Variants in FUT8 observed in about 807,000 individuals in gnomAD.
FUT8 encodes fucosyltransferase 8.
Under a neutral mutation model 71.3 loss-of-function variants are expected in FUT8, and 29 were observed. The observed-to-expected ratio is 0.41, with a 90% CI of 0.30 to 0.55. The LOEUF (loss-of-function observed/expected upper bound fraction) is 0.55. FUT8 is among the 20% of genes least tolerant of loss of function. The pLI is 0.34. For synonymous variants in FUT8, 254 were observed against 239.3 expected (o/e 1.06, Z -0.57); for missense variants, 544 against 702.1 (o/e 0.77, Z 2.55).
chr14:65,439,954 G>GTGTATGTATA lies in FUT8; in HGVS notation c.-325-15666_-325-15665insGTATGTATAT. Among the ~76,000 whole-genome samples, 68 of 74,972 alleles carry GTGTATGTATA rather than the reference G, an allele frequency of 9.1e-4. 2 individuals are homozygous for GTGTATGTATA. The highest frequency in any genetic ancestry group is 3.1e-3 in the African/African-American group (62 of 19,790). The allele number at this position is 74,972 out of a possible 152,430, so 49.2% of individuals were successfully genotyped here. ...ATAAAGAAAATGTGTGTGTGTGTGTGTATATATATATATATATATATATAT... is the reference window on the plus strand; with the variant it reads ...ATAAAGAAAATGTGTGTGTGTGTGTGTGTATGTATATATATATATATATATATATATATAT... On this transcript the variant is annotated intron_variant, in intron 1 of 10. Transcript: ENST00000673929.
intron 7 of FUT8, among the ~76,000 whole-genome samples, chr14:65,689,565 G>T (rs950377256): frequency 7.9e-5 from 12 of 152,018 alleles, no homozygotes; most frequent in South Asian, 2.1e-4. Flanking sequence ...TTGTTACAGA[G>T]TCTCGCTCTG....
chr14:65,358,216 T>C, the FUT8 span, among the ~76,000 whole-genome samples: 2 of 152,238 alleles, frequency 1.3e-5, no homozygotes, highest in Non-Finnish European at 2.9e-5. Context: ...AAATGATAAA[T>C]GTTTAAAGTG....
At chr14:65,476,660 T>A (rs1024765429) in intron 2 of FUT8, among the ~76,000 whole-genome samples, 13 of 66,414 alleles carry the variant, frequency 2.0e-4, no homozygotes, top group Admixed American at 6.4e-4. Context: ...TTTTTTTTTT[T>A]TTTTTTTTTT....
intron 3 of FUT8, among the ~76,000 whole-genome samples, chr14:65,573,735 T>TA (rs202204988): frequency 0.17 from 23,567 of 137,586 alleles, 2,033 homozygotes; most frequent in South Asian, 0.29. Context: ...CCCCCATGTC[T>TA]AAAAAAAAAA....
chr14:65,710,206 CATTT>C (rs1478368713), intron 7 of FUT8, among the ~76,000 whole-genome samples: 2 of 152,062 alleles, frequency 1.3e-5, no homozygotes, highest in East Asian at 3.9e-4. Flanking sequence ...AAAAGAAACT[CATTT>C]AAGTTTTAAA....
chr14:65,694,326 C>T (rs1013275962), intron 7 of FUT8, among the ~76,000 whole-genome samples: 4 of 152,154 alleles, frequency 2.6e-5, no homozygotes, highest in African/African-American at 9.7e-5. Context: ...TTAAGTACCA[C>T]TTTTGCAGCG....
intron 2 of FUT8, among the ~76,000 whole-genome samples, chr14:65,511,390 C>A (rs1225976336): frequency 6.6e-6 from 1 of 152,000 alleles, no homozygotes; most frequent in African/African-American, 2.4e-5. Context: ...TATTCTGTAG[C>A]TGTTGGAAGA....
At chr14:65,569,577 T>C (rs1042881382) in intron 3 of FUT8, among the ~76,000 whole-genome samples, 2 of 151,900 alleles carry the variant, frequency 1.3e-5, no homozygotes, top group Admixed American at 6.6e-5. Context: ...CAAATTTCTT[T>C]GGAAATTCTC....
chr14:65,495,478 T>C (rs991098971), intron 2 of FUT8, among the ~76,000 whole-genome samples: 6 of 152,198 alleles, frequency 3.9e-5, no homozygotes, highest in African/African-American at 1.2e-4. Context: ...CAAATGGGAG[T>C]TATGTGTTCC....
chr14:65,379,749 T>C, the FUT8 span, among the ~76,000 whole-genome samples: 1 of 152,176 alleles, frequency 6.6e-6, no homozygotes, highest in South Asian at 2.1e-4. Context: ...GACTGAGTAA[T>C]GTATAAACAA....
At chr14:65,728,539 G>A (rs1450354468) in intron 9 of FUT8, among the ~76,000 whole-genome samples, 2 of 152,180 alleles carry the variant, frequency 1.3e-5, no homozygotes, top group East Asian at 3.8e-4. Context: ...CAAGGAAAAA[G>A]TATTATCCTC....
chr14:65,429,403 C>A (rs1373151172), intron 1 of FUT8, among the ~76,000 whole-genome samples: 1 of 152,184 alleles, frequency 6.6e-6, no homozygotes, highest in African/African-American at 2.4e-5. Context: ...GGTGTCATTA[C>A]AGCGGCGTAA....
chr14:65,496,793 C>G (rs940818378), intron 2 of FUT8, among the ~76,000 whole-genome samples: 8 of 152,044 alleles, frequency 5.3e-5, no homozygotes, highest in Admixed American at 3.3e-4. Flanking sequence ...CAGGAAAATT[C>G]TTCTATGGGG....
chr14:65,413,481 C>T lies in FUT8; in HGVS notation c.-326+267C>T, dbSNP rs567744635. On this transcript the variant is annotated intron_variant, in intron 1 of 10. Coordinates refer to ENST00000673929, the MANE Select transcript of FUT8 (RefSeq NM_001371533.1). The surrounding 1 kb of genome is among the most constrained non-coding windows in gnomAD (Gnocchi z 4.1). ...GCCGGGACGCGGAGCTGCGCCGCTG[C>T]TGCCCTCGGCGTCGCGCATCCTTGC... 1.5e-4 allele frequency among the ~76,000 whole-genome samples: 23 copies of T among 151,960 alleles called. No individual in the cohort carries two copies. The South Asian group carries it at 4.8e-3, about 32-fold the overall frequency.
chr14:65,633,004 T>TCCCC lies in FUT8; in HGVS notation c.597+3405_597+3408dup, dbSNP rs376298224. Among the ~76,000 whole-genome samples the TCCCC allele has an allele frequency of 2.6e-4, 20 of 78,064 alleles. 1 individual carries two copies. The highest frequency in any genetic ancestry group is 1.3e-3 in the South Asian group (3 of 2,264). The allele number at this position is 78,064 out of a possible 152,430, so 51.2% of individuals were successfully genotyped here. The stretch of plus-strand genomic sequence containing the variant: ...TTGCTCTCCCCTCTCCCCTCTCCCC[T>TCCCC]CCCCCCCCCCGTCTCCCCAGGGTCT... On this transcript the variant is annotated intron_variant, in intron 6 of 10. Transcript: ENST00000673929.
chr14:65,464,893 T>C (rs2066019682), intron 2 of FUT8, among the ~76,000 whole-genome samples: 1 of 152,248 alleles, frequency 6.6e-6, no homozygotes, highest in African/African-American at 2.4e-5. Flanking sequence ...TTGTAGAATA[T>C]TGGTATCATC....
At chr14:65,718,372 G>T (rs983607803) in intron 7 of FUT8, among the ~76,000 whole-genome samples, 1 of 152,046 alleles carries the variant, frequency 6.6e-6, no homozygotes, top group African/African-American at 2.4e-5. Flanking sequence ...TCTGTACTTT[G>T]TCCCCCCAAC....
intron 2 of FUT8, among the ~76,000 whole-genome samples, chr14:65,504,970 C>T (rs573207690): frequency 9.8e-5 from 15 of 152,288 alleles, no homozygotes; most frequent in African/African-American, 3.6e-4. Context: ...GAAAAAAACC[C>T]CAACACACTG....
intron 6 of FUT8, among the ~76,000 whole-genome samples, chr14:65,634,819 T>G (rs1007997774): frequency 4.1e-4 from 63 of 152,184 alleles, no homozygotes; most frequent in Admixed American, 3.4e-3. Flanking sequence ...TGCGGACTCT[T>G]TTTTGGTTCC....
Sources: allele counts gnomAD v4.1 joint callset (sites outside exome capture counted in the v4.1 genomes callset), GRCh38; gene constraint gnomAD v4.1.1; non-coding constraint Gnocchi (gnomAD v3.1); transcripts MANE v1.5; gene names NCBI Gene and HGNC (gene_info 2026-07-23, HGNC 2026-07-21).